Variants in SLC22A14 observed in about 807,000 individuals in gnomAD.
The protein encoded by SLC22A14 is solute carrier family 22 member 14, also known as organic cation transporter-like 4.
Under a neutral mutation model 53.9 loss-of-function variants are expected in SLC22A14, and 50 were observed. The ratio of observed to expected loss-of-function variants is 0.93; its 90% CI spans 0.74 to 1.17. The LOEUF is 1.17. SLC22A14 is among the 50% of genes most tolerant of loss of function. SLC22A14 has a pLI of 0.00. For synonymous variants in SLC22A14, 312 were observed against 303.0 expected (o/e 1.03, Z -0.31); for missense variants, 671 against 734.7 (o/e 0.91, Z 1.00).
intron 1 of SLC22A14, among the ~76,000 whole-genome samples, chr3:38,291,026 G>T (rs1703902546): frequency 6.6e-6 from 1 of 152,156 alleles, no homozygotes; most frequent in African/African-American, 2.4e-5. Context: ...TCTCCATATT[G>T]CTGCGTGGGC....
chr3:38,311,712 T>G (rs1279690518), intron 5 of SLC22A14, among the ~76,000 whole-genome samples: 1 of 152,220 alleles, frequency 6.6e-6, no homozygotes, highest in Non-Finnish European at 1.5e-5. Flanking sequence ...CTTTGCCATT[T>G]TGTAGCAAGG....
intron 7 of SLC22A14, 95 bp downstream of exon 7, chr3:38,313,580 C>G (rs1305153799): frequency 7.8e-6 from 8 of 1,028,166 alleles, no homozygotes; most frequent in Middle Eastern, 2.1e-4. Flanking sequence ...GCAGGGGAGG[C>G]AGCCCAAGGA....
In SLC22A14 at chr3:38,306,170, G is replaced by A. The variant is rs192292778; in HGVS notation, c.144G>A (p.Gln48=). The part of the protein sequence containing the change: ...LRRLRAVHTK[Q]DDKFANLLDA... The stretch of plus-strand genomic sequence containing the variant: ...GATTGAGGGCTGTCCACACCAAGCA[G>A]GATGACAAGTTTGCCAACCTCCTGG... Residue 48 remains glutamine, a synonymous_variant, in exon 2 of 11, where the codon CAG becomes CAA. Coordinates refer to ENST00000448498, the MANE Select transcript of SLC22A14 (RefSeq NM_001320033.2). 30 of 1,614,190 alleles carry A rather than the reference G, an allele frequency of 1.9e-5. No individual in the cohort carries two copies. The African/African-American group carries it at 4.0e-4, about 22-fold the overall frequency.
upstream of SLC22A14, among the ~76,000 whole-genome samples, chr3:38,278,953 T>C (rs1703618297): frequency 6.6e-6 from 1 of 151,786 alleles, no homozygotes; most frequent in African/African-American, 2.4e-5. Flanking sequence ...AAATGGTAGA[T>C]AGAAAAAGAG....
At chr3:38,304,579 A>G (rs562579297) in intron 1 of SLC22A14, among the ~76,000 whole-genome samples, 4 of 152,180 alleles carry the variant, frequency 2.6e-5, no homozygotes, top group African/African-American at 9.6e-5. Flanking sequence ...TCTTGTAAAG[A>G]CAGGGTTTCA....
Position 38,307,694 on chromosome 3 carries a change from G to T in SLC22A14, c.749G>T (p.Gly250Val). The stretch of plus-strand genomic sequence containing the variant: ...TTTGGCATCTCGCAGTCAGTGGTGG[G>T]CTACGCCATCAGCAGCATTTCTTTG... ...FRFGISQSVV[G>V]YAISSISLAT... The change falls in exon 4 of 11, where the codon GGC becomes GTC. Residue 250 changes from glycine (G) to valine (V), a missense_variant. By Grantham distance (109) the Gly-to-Val change is moderately radical (BLOSUM62 -3). Transcript: ENST00000448498. The surrounding 1 kb of genome is among the most constrained non-coding windows in gnomAD (Gnocchi z 4.4). The T allele has an allele frequency of 6.2e-7, 1 of 1,614,178 alleles. No individual in the cohort carries two copies. The highest frequency in any genetic ancestry group is 8.5e-7 in the Non-Finnish European group (1 of 1,180,036).
intron 1 of SLC22A14, among the ~76,000 whole-genome samples, chr3:38,302,472 CA>C (rs1704191581): frequency 6.6e-6 from 1 of 151,656 alleles, no homozygotes; most frequent in Non-Finnish European, 1.5e-5. Context: ...ACCTGGGCAA[CA>C]CAACAAGACC....
chr3:38,298,554 TTGTGTGTG>T (rs112527761), intron 1 of SLC22A14, among the ~76,000 whole-genome samples: 1 of 148,898 alleles, frequency 6.7e-6, no homozygotes, highest in African/African-American at 2.5e-5. Flanking sequence ...CTTCCCTGTC[TTGTGTGTG>T]TGTGTGTGTG....
chr3:38,314,185 T>G (rs1258232086), intron 8 of SLC22A14, among the ~76,000 whole-genome samples: 1 of 152,164 alleles, frequency 6.6e-6, no homozygotes, highest in Non-Finnish European at 1.5e-5. Flanking sequence ...GGGTGTACTT[T>G]CCAGAGGACA....
chr3:38,311,825 T>C (rs1009024448), intron 5 of SLC22A14, among the ~76,000 whole-genome samples: 1 of 152,244 alleles, frequency 6.6e-6, no homozygotes, highest in African/African-American at 2.4e-5. Context: ...TCATGACCTC[T>C]TCAATGCATT....
chr3:38,285,709 C>T (rs1703776714), intron 1 of SLC22A14, among the ~76,000 whole-genome samples: 1 of 152,118 alleles, frequency 6.6e-6, no homozygotes, highest in Admixed American at 6.5e-5. Flanking sequence ...TGCATTTGGG[C>T]TCTTTTTTCA....
At chr3:38,313,353 G>T in intron 6 of SLC22A14, 35 bp from the exon 7 acceptor site, 1 of 1,542,638 alleles carries the variant, frequency 6.5e-7, no homozygotes, top group Non-Finnish European at 9.0e-7. Context: ...CTGGGGTCTT[G>T]GCCCTGCCTC....
Position 38,303,196 on chromosome 3 carries a change from G to A in SLC22A14, c.1-2831G>A, listed in dbSNP as rs1704210956. 2.0e-5 allele frequency among the ~76,000 whole-genome samples: 3 copies of A among 151,854 alleles called. No homozygotes were observed. The South Asian group carries it at 6.3e-4, about 32-fold the overall frequency. On this transcript the variant is annotated intron_variant, in intron 1 of 10. Coordinates refer to ENST00000448498, the MANE Select transcript of SLC22A14 (RefSeq NM_001320033.2). ...CAAGGAACTAATTTTGAACTTTGTT[G>A]ATTCCCTTTCTTATACTTTTGTTTC...
chr3:38,295,802 G>GTCTC lies in SLC22A14; in HGVS notation c.1-10207_1-10204dup, dbSNP rs374185630. 1.4e-4 allele frequency among the ~76,000 whole-genome samples: 20 copies of GTCTC among 147,290 alleles called. No individual in the cohort carries two copies. In the South Asian group the frequency reaches 2.4e-3, roughly 17 times the overall value. ...TCTCTGTCTGTCTCTCTCTCTGTCT[G>GTCTC]TCTCTCTCTCTCTCTCTCTCTTTCT... On this transcript the variant is annotated intron_variant, in intron 1 of 10. Coordinates refer to ENST00000448498, the MANE Select transcript of SLC22A14 (RefSeq NM_001320033.2).
At chr3:38,298,773 C>A (rs917386443) in intron 1 of SLC22A14, among the ~76,000 whole-genome samples, 1 of 152,170 alleles carries the variant, frequency 6.6e-6, no homozygotes, top group Non-Finnish European at 1.5e-5. Flanking sequence ...CCAGGCTGGT[C>A]TTGAACTCCT....
intron 1 of SLC22A14, among the ~76,000 whole-genome samples, chr3:38,295,369 G>C (rs200873828): frequency 0.037 from 3,904 of 105,576 alleles, no homozygotes; most frequent in African/African-American, 0.057. Context: ...CTCACAATGA[G>C]GTTTCCTCTA....
intron 6 of SLC22A14, 99 bp downstream of exon 6, chr3:38,313,218 C>T: frequency 6.6e-7 from 1 of 1,517,096 alleles, no homozygotes; most frequent in East Asian, 2.3e-5. Context: ...CCAGAGGGTG[C>T]CCCCAGTCCA....
rs751644808 is a variant in SLC22A14, at chr3:38,316,424, TG to T, written c.1634del (p.Cys545SerfsTer4). ...CCCCTCCCTCCTGCCCATCTTTCTC[TG>T]CTGCGTCTTAGCCATCGTGGCCTTT... ...QTPSLLPIFL[C>X]CVLAIVAFSL... On this transcript the variant is annotated frameshift_variant, in exon 10 of 11. Coordinates refer to ENST00000448498, the MANE Select transcript of SLC22A14 (RefSeq NM_001320033.2). LOFTEE classifies it high-confidence loss of function. The T allele has an allele frequency of 4.3e-6, 7 of 1,614,198 alleles. No individual in the cohort carries two copies. Among genetic ancestry groups the T allele is most frequent in the Non-Finnish European group, 5.9e-6 (7 of 1,180,026 alleles).
intron 6 of SLC22A14, 120 bp from the exon 7 acceptor site, chr3:38,313,268 C>A: frequency 7.1e-7 from 1 of 1,409,598 alleles, no homozygotes; most frequent in Non-Finnish European, 1.0e-6. Context: ...TGAACCCTGC[C>A]AGGGAAGGCC....
Sources: gnomAD v4.1 joint callset for allele counts (sites outside exome capture counted in the v4.1 genomes callset) on GRCh38, gnomAD v4.1.1 for gene constraint, Gnocchi (gnomAD v3.1) non-coding constraint, MANE v1.5 for transcripts, NCBI Gene and HGNC (gene_info 2026-07-23, HGNC 2026-07-21) for gene names.